Variants in COBLL1 observed in about 807,000 individuals in gnomAD.
COBLL1 encodes cordon-bleu WH2 repeat protein like 1.
Under a neutral mutation model 94.8 loss-of-function variants are expected in COBLL1, and 50 were observed. The observed-to-expected ratio is 0.53, with a 90% CI of 0.42 to 0.67. COBLL1 has a LOEUF of 0.67. Among genes scored for constraint, COBLL1 ranks in the 30% least tolerant of loss-of-function variants. The pLI, the probability that COBLL1 is intolerant of heterozygous loss-of-function variation, is 0.00. For missense variants in COBLL1, 1,362 were observed against 1,348.7 expected (o/e 1.01, Z -0.15); for synonymous variants, 448 against 473.8 (o/e 0.95, Z 0.71).
At chr2:164,734,422 A>AAAAG (rs1686186316) in intron 3 of COBLL1, among the ~76,000 whole-genome samples, 5 of 152,186 alleles carry the variant, frequency 3.3e-5, no homozygotes, top group African/African-American at 9.7e-5. Context: ...TCAGGGTGAT[A>AAAAG]ATCTTGTAGT....
chr2:164,820,026 G>A (rs1377296998), intron 2 of COBLL1, among the ~76,000 whole-genome samples: 1 of 150,426 alleles, frequency 6.6e-6, no homozygotes, highest in Non-Finnish European at 1.5e-5. Flanking sequence ...TAGAGATGGG[G>A]TTTTGCCATG....
chr2:164,753,562 C>G (rs1366924671), intron 2 of COBLL1, among the ~76,000 whole-genome samples: 1 of 152,086 alleles, frequency 6.6e-6, no homozygotes, highest in Non-Finnish European at 1.5e-5. Context: ...AGCAAAACTT[C>G]TAGGACTCTG....
chr2:164,838,233 G>A (rs974046981), intron 2 of COBLL1, among the ~76,000 whole-genome samples: 4 of 152,160 alleles, frequency 2.6e-5, no homozygotes, highest in African/African-American at 9.7e-5. Flanking sequence ...GTCGTAGAAT[G>A]CTAAATGCGA....
intron 2 of COBLL1, among the ~76,000 whole-genome samples, chr2:164,822,726 ATTATATTATATTATTATTAT>A (rs1341066513): frequency 1.3e-4 from 10 of 74,556 alleles, no homozygotes; most frequent in African/African-American, 5.5e-4. Flanking sequence ...CTCTGAAAAG[ATTATATTATATTATTATTAT>A]TATTATTATT....
chr2:164,695,323 T>C lies in COBLL1; in HGVS notation c.2069A>G (p.Asp690Gly), dbSNP rs1683873426. The part of the protein sequence containing the change: ...HGNDDLLPPV[D>G]RIDKNSTASY... ...AGCAGTGGAATTTTTGTCAATCCTA[T>C]CTACAGGAGGCAAAAGATCATCATT... The change falls in exon 12 of 14, where the codon GAT (aspartate) becomes GGT (glycine). Residue 690 changes from aspartate to glycine, a missense_variant. Transcript: ENST00000652658. 7.4e-6 allele frequency: 12 copies of C among 1,613,952 alleles called. No homozygotes were observed. Among genetic ancestry groups the C allele is most frequent in the Non-Finnish European group, 1.0e-5 (12 of 1,179,944 alleles).
At chr2:164,818,382 G>A (rs2105354815) in intron 2 of COBLL1, among the ~76,000 whole-genome samples, 1 of 141,052 alleles carries the variant, frequency 7.1e-6, no homozygotes, top group South Asian at 2.2e-4. Context: ...GCGTATGTGT[G>A]CATGTACATA....
intron 2 of COBLL1, among the ~76,000 whole-genome samples, chr2:164,760,941 G>C (rs1028705890): frequency 6.6e-6 from 1 of 152,010 alleles, no homozygotes; most frequent in African/African-American, 2.4e-5. Flanking sequence ...TAAAATAAAG[G>C]CAAAGATATT....
intron 2 of COBLL1, among the ~76,000 whole-genome samples, chr2:164,663,111 C>G (rs1691097826): frequency 6.6e-6 from 1 of 152,018 alleles, no homozygotes; most frequent in East Asian, 1.9e-4. Context: ...TTCTAATTTC[C>G]ATTTTGTTTT....
chr2:164,841,868 G>A, upstream of COBLL1: 6 of 982,894 alleles, frequency 6.1e-6, no homozygotes, highest in Non-Finnish European at 4.5e-6. This position sits in a 1 kb window ranked among gnomAD's most constrained non-coding sequence, Gnocchi z 5.5. Context: ...CGCGGGCAGG[G>A]CCGACTCAGC....
chr2:164,772,836 G>A (rs1035824484), intron 2 of COBLL1, among the ~76,000 whole-genome samples: 24 of 151,966 alleles, frequency 1.6e-4, no homozygotes, highest in African/African-American at 5.8e-4. Context: ...TAATGTTTTA[G>A]CACACACAGA....
chr2:164,672,675 C>T (rs1014983606), intron 1 of COBLL1, among the ~76,000 whole-genome samples: 5 of 137,900 alleles, frequency 3.6e-5, no homozygotes, highest in African/African-American at 1.4e-4. Flanking sequence ...GTCCGCAGTC[C>T]GGCCTGGGCG....
At chr2:164,726,234 ATGT>A (rs1685716264) in intron 5 of COBLL1, among the ~76,000 whole-genome samples, 2 of 152,192 alleles carry the variant, frequency 1.3e-5, no homozygotes, top group Non-Finnish European at 2.9e-5. Flanking sequence ...AAGTAATAAA[ATGT>A]TGTTGCTAGA....
rs576170554 is a variant in COBLL1 at position 164,725,396 on chromosome 2, T to C, written c.661+2573A>G. 5.3e-5 allele frequency among the ~76,000 whole-genome samples: 8 copies of C among 152,230 alleles called. No individual in the cohort carries two copies. The South Asian group carries it at 6.2e-4, about 12-fold the overall frequency. ...AAATTCATATGGTTGTGCAATACAA[T>C]AAATATAACCAGAATATTTTTTATT... On this transcript the variant is annotated intron_variant, in intron 5 of 13. Transcript: ENST00000652658.
At chr2:164,690,894 G>A (rs575141663) in intron 13 of COBLL1, among the ~76,000 whole-genome samples, 8 of 152,084 alleles carry the variant, frequency 5.3e-5, no homozygotes, top group African/African-American at 1.2e-4. Context: ...AAAACTTTTC[G>A]TGAGGTTGTG....
At chr2:164,805,093 C>A (rs1431931314) in intron 2 of COBLL1, among the ~76,000 whole-genome samples, 1 of 151,324 alleles carries the variant, frequency 6.6e-6, no homozygotes, top group Non-Finnish European at 1.5e-5. Flanking sequence ...CAGACTTTTC[C>A]ATATTAATAT....
chr2:164,714,245 C>T (rs1371056222), intron 7 of COBLL1, among the ~76,000 whole-genome samples: 1 of 151,666 alleles, frequency 6.6e-6, no homozygotes, highest in African/African-American at 2.4e-5. Flanking sequence ...GCAATCCGTG[C>T]TTTCATCAAC....
chr2:164,686,562 G>A (rs540584337), intron 13 of COBLL1, among the ~76,000 whole-genome samples: 1 of 150,554 alleles, frequency 6.6e-6, no homozygotes, highest in South Asian at 2.1e-4. Flanking sequence ...TAAAATCTGT[G>A]ACTGTTAAGC....
intron 1 of COBLL1, among the ~76,000 whole-genome samples, chr2:164,669,880 C>T (rs942480183): frequency 6.6e-6 from 1 of 152,200 alleles, no homozygotes; most frequent in Non-Finnish European, 1.5e-5. Context: ...TGGGATCACA[C>T]AGTAAAGCAT....
intron 13 of COBLL1, among the ~76,000 whole-genome samples, chr2:164,687,940 G>A (rs6738627): frequency 0.43 from 65,072 of 152,036 alleles, 16,069 homozygotes; most frequent in African/African-American, 0.69. Flanking sequence ...ATGTCTCCAC[G>A]TAAAATATGC....
Sources: gnomAD v4.1 joint callset for allele counts (sites outside exome capture counted in the v4.1 genomes callset) on GRCh38, gnomAD v4.1.1 for gene constraint, Gnocchi (gnomAD v3.1) non-coding constraint, MANE v1.5 for transcripts, NCBI Gene and HGNC (gene_info 2026-07-23, HGNC 2026-07-21) for gene names.